The following SRGAP2B variants were observed in gnomAD, a reference collection of about 807,000 sequenced individuals.
The protein encoded by SRGAP2B is SLIT-ROBO Rho GTPase activating protein 2B, also known as SLIT-ROBO Rho GTPase-activating protein 2B.
In SRGAP2B, 9 loss-of-function variants were observed where a neutral mutation model predicts 22.2. The observed-to-expected ratio is 0.41, with a 90% CI of 0.24 to 0.71. The LOEUF (loss-of-function observed/expected upper bound fraction) is 0.71, where lower values mean the gene tolerates loss of function less well. Ranked by LOEUF, SRGAP2B falls within the 30% of genes least tolerant of loss-of-function variation. The probability of loss-of-function intolerance (pLI) is 0.35; values close to 1 mark genes in which losing one functional copy is unlikely to be tolerated. For synonymous variants in SRGAP2B, 36 were observed against 87.4 expected, an observed-to-expected ratio of 0.41 and a Z score of 3.28; for missense variants, 114 against 235.8, an observed-to-expected ratio of 0.48 and a Z score of 3.38.
intron 4 of SRGAP2B, among the ~76,000 whole-genome samples, chr1:144,932,300 A>T (rs1553605794): frequency 1.3e-5 from 2 of 150,788 alleles, no homozygotes; most frequent in Non-Finnish European, 2.9e-5. Flanking sequence ...AAGAACATTC[A>T]TTCTCCACAG....
At chr1:145,031,704 C>T (rs1357293090) in intron 2 of SRGAP2B, among the ~76,000 whole-genome samples, 4 of 144,704 alleles carry the variant, frequency 2.8e-5, no homozygotes, top group African/African-American at 5.7e-5. Context: ...AAAATTAGCC[C>T]GGAGTGGTGG....
chr1:144,925,913 A>T (rs1431054181), intron 4 of SRGAP2B, among the ~76,000 whole-genome samples: 2 of 115,666 alleles, frequency 1.7e-5, no homozygotes, highest in African/African-American at 7.1e-5. Flanking sequence ...GTTCTCTTAC[A>T]AGCAACATAC....
Position 144,976,684 on chromosome 1 carries a change from A to G in SRGAP2B, c.260+18324T>C, listed in dbSNP as rs1225458219. Among the ~76,000 whole-genome samples, 6 of 143,656 alleles carry G rather than the reference A, an allele frequency of 4.2e-5. 1 individual carries two copies. Among genetic ancestry groups the G allele is most frequent in the African/African-American group, 1.5e-4 (5 of 34,100 alleles). 94.2% of individuals were successfully genotyped at this position (143,656 alleles called of 152,430 possible). On this transcript the variant is annotated intron_variant, in intron 3 of 9. Coordinates refer to ENST00000612199, the Ensembl canonical transcript of SRGAP2B. ...CTCAAAGAACGATGGGGACATATCA[A>G]TAAGACACAGAAGCCAGCTTGAAGG...
intron 3 of SRGAP2B, among the ~76,000 whole-genome samples, chr1:144,965,698 T>C (rs10903176): frequency 0.83 from 98,341 of 118,432 alleles, 41,591 homozygotes; most frequent in African/African-American, 0.95. Context: ...CTCTGAGCTA[T>C]GGGAGCACAT....
chr1:144,951,603 C>T (rs1218082215), intron 4 of SRGAP2B, among the ~76,000 whole-genome samples: 7 of 150,496 alleles, frequency 4.7e-5, no homozygotes, highest in Admixed American at 1.3e-4. Flanking sequence ...AAGTGCTTAA[C>T]ACGATACCTG....
At chr1:145,031,804 G>A (rs1287551066) in intron 2 of SRGAP2B, among the ~76,000 whole-genome samples, 33 of 136,000 alleles carry the variant, frequency 2.4e-4, no homozygotes, top group East Asian at 2.1e-3. Flanking sequence ...CCAAGATTGC[G>A]CCACTGCACT....
chr1:144,948,667 T>A, intron 4 of SRGAP2B, among the ~76,000 whole-genome samples: 1 of 33,266 alleles, frequency 3.0e-5, no homozygotes, highest in Admixed American at 3.1e-4. Context: ...TTCCTCCATA[T>A]TCAAAGCCAG....
rs1570829863 is a variant in SRGAP2B at position 144,952,563 on chromosome 1, G to C, written c.423+2876C>G. ...TGCCCAGGCTGGAGTGCAGTGGCAT[G>C]ATTACAGCTCACTGCATCCTCAAAC... is the stretch of plus-strand genomic sequence containing the variant. On this transcript the variant is annotated intron_variant, in intron 4 of 9. Transcript: ENST00000612199. Among the ~76,000 whole-genome samples the C allele has an allele frequency of 4.0e-5, 6 of 150,106 alleles. No individual in the cohort carries two copies. In the South Asian group the frequency reaches 1.3e-3, roughly 32 times the overall value.
At chr1:144,965,698 T>A (rs10903176) in intron 3 of SRGAP2B, among the ~76,000 whole-genome samples, 2 of 120,646 alleles carry the variant, frequency 1.7e-5, no homozygotes, top group South Asian at 2.7e-4. Context: ...CTCTGAGCTA[T>A]GGGAGCACAT....
At chr1:144,943,859 A>T (rs1666260767) in intron 4 of SRGAP2B, among the ~76,000 whole-genome samples, 1 of 150,182 alleles carries the variant, frequency 6.7e-6, no homozygotes, top group Non-Finnish European at 1.5e-5. Context: ...CTCATGTCCT[A>T]GGAACCCCCT....
At chr1:144,938,641 C>T (rs587763844) in intron 4 of SRGAP2B, among the ~76,000 whole-genome samples, 41 of 147,042 alleles carry the variant, frequency 2.8e-4, no homozygotes, top group African/African-American at 9.6e-4. Context: ...CCTCTTTGCC[C>T]TGTTTCATTT....
chr1:144,939,822 C>A (rs1665892441), intron 4 of SRGAP2B, among the ~76,000 whole-genome samples: 1 of 147,370 alleles, frequency 6.8e-6, no homozygotes, highest in Non-Finnish European at 1.5e-5. Flanking sequence ...TCTCCACCCT[C>A]AAAATGAACA....
At position 144,985,118 on chromosome 1, in the gene SRGAP2B, T is replaced by G. The variant is rs587745530; in HGVS notation, c.260+9890A>C. 7.5e-4 allele frequency among the ~76,000 whole-genome samples: 97 copies of G among 128,534 alleles called. 2 individuals carry two copies. Among genetic ancestry groups the G allele is most frequent in the African/African-American group, 3.0e-3 (93 of 31,174 alleles). 84.3% of individuals were successfully genotyped at this position (128,534 alleles called of 152,430 possible). ...TCTGCAGCATATACTTAGTACTTACTACATATAGCCTTATGTTGAAGATTT... is the reference window on the plus strand; with the variant it reads ...TCTGCAGCATATACTTAGTACTTACGACATATAGCCTTATGTTGAAGATTT... On this transcript the variant is annotated intron_variant, in intron 3 of 9. Coordinates refer to ENST00000612199, the Ensembl canonical transcript of SRGAP2B.
chr1:145,008,889 C>T (rs1324542707), intron 2 of SRGAP2B, among the ~76,000 whole-genome samples: 2 of 149,322 alleles, frequency 1.3e-5, no homozygotes, highest in African/African-American at 5.1e-5. Flanking sequence ...AAAAACAGTC[C>T]AGCTGGGCGC....
At chr1:144,956,744 G>A (rs2474133) in intron 3 of SRGAP2B, among the ~76,000 whole-genome samples, 8 of 150,082 alleles carry the variant, frequency 5.3e-5, no homozygotes, top group African/African-American at 1.3e-4. Context: ...CACCGCGCCC[G>A]GCCCTAGATG....
chr1:144,984,917 C>T (rs1186307220), intron 3 of SRGAP2B, among the ~76,000 whole-genome samples: 3 of 147,342 alleles, frequency 2.0e-5, no homozygotes, highest in African/African-American at 7.8e-5. Flanking sequence ...ACTTATTCTC[C>T]CAGCTAAACC....
rs1553616087 is a variant in SRGAP2B at position 144,986,964 on chromosome 1, C to T, written c.260+8044G>A. Reference sequence around the variant, plus strand: ...GCTCTATCTAAAATGCTTCCTTTCCCATCTTTTCACCTTCTTTCTACAACT... The same window carrying T: ...GCTCTATCTAAAATGCTTCCTTTCCTATCTTTTCACCTTCTTTCTACAACT... On this transcript the variant is annotated intron_variant, in intron 3 of 9. Coordinates refer to ENST00000612199, the Ensembl canonical transcript of SRGAP2B. Among the ~76,000 whole-genome samples, 2 of 150,844 alleles carry T rather than the reference C, an allele frequency of 1.3e-5. 1 individual carries two copies. The highest frequency in any genetic ancestry group is 1.3e-4 in the Admixed American group (2 of 15,172).
intron 4 of SRGAP2B, chr1:144,919,912 C>A (rs1454749903): frequency 6.8e-6 from 1 of 147,970 alleles, no homozygotes; most frequent in African/African-American, 2.6e-5. Flanking sequence ...GAGTTGGTTC[C>A]TTCTGGTGGG....
chr1:144,904,698 CAA>C (rs1192600476), intron 7 of SRGAP2B, among the ~76,000 whole-genome samples: 3 of 16,928 alleles, frequency 1.8e-4, no homozygotes, highest in African/African-American at 1.1e-3. Flanking sequence ...GACTCTATCT[CAA>C]AAAAAAAAAA....
Sources: gnomAD v4.1 joint callset for allele counts (sites outside exome capture counted in the v4.1 genomes callset) on GRCh38, gnomAD v4.1.1 for gene constraint, MANE v1.5 for transcripts, NCBI Gene and HGNC (gene_info 2026-07-23, HGNC 2026-07-21) for gene names.